Variants in SPRR2G observed in about 807,000 individuals in gnomAD.
The protein encoded by SPRR2G is small proline rich protein 2G.
A neutral mutation model predicts 0.7 loss-of-function variants in SPRR2G; 1 was observed. That is an observed-to-expected ratio of 1.49 (90% CI 0.53 to 7.06). The LOEUF (loss-of-function observed/expected upper bound fraction) is 7.06. SPRR2G is among the 30% of genes most tolerant of loss of function. The pLI, the probability that SPRR2G is intolerant of heterozygous loss-of-function variation, is 0.14. For synonymous variants in SPRR2G, 38 were observed against 33.9 expected, an observed-to-expected ratio of 1.12 and a Z score of -0.42; for missense variants, 96 against 88.5, an observed-to-expected ratio of 1.09 and a Z score of -0.34.
chr1:153,174,822 C>T, the SPRR2G span, among the ~76,000 whole-genome samples: 1 of 152,142 alleles, frequency 6.6e-6, no homozygotes, highest in African/African-American at 2.4e-5. Flanking sequence ...ACAACACCTG[C>T]ACTGTCAGCC....
At position 153,150,081 on chromosome 1, in the gene SPRR2G, C is replaced by A; in HGVS notation, c.30G>T (p.Gln10His). The change falls in exon 2 of 2, where the codon CAG (glutamine) becomes CAT (histidine). Residue 10 changes from glutamine to histidine, a missense_variant. Transcript: ENST00000368748. The stretch of plus-strand genomic sequence containing the variant: ...GGCACACAGGAGGTGGCTGGCAGGG[C>A]TGCTTGCACTGCTGCTGCTGGTAAG... The part of the protein sequence containing the change: MSYQQQQCK[Q>H]PCQPPPVCPT... 6.2e-7 allele frequency: 1 copy of A among 1,612,736 alleles called. No individual in the cohort carries two copies. The highest frequency in any genetic ancestry group is 1.3e-5 in the African/African-American group (1 of 74,982).
At chr1:153,180,305 A>G in the SPRR2G span, among the ~76,000 whole-genome samples, 2 of 152,182 alleles carry the variant, frequency 1.3e-5, no homozygotes. Context: ...TTTTCCTGGC[A>G]TCTAACACTG....
the SPRR2G span, among the ~76,000 whole-genome samples, chr1:153,196,856 A>G: frequency 6.2e-3 from 946 of 152,294 alleles, 11 homozygotes; most frequent in African/African-American, 0.022. Context: ...CATCTGCCCC[A>G]GTGGGCCCCC....
the SPRR2G span, among the ~76,000 whole-genome samples, chr1:153,164,385 C>A: frequency 6.6e-6 from 1 of 152,268 alleles, no homozygotes; most frequent in African/African-American, 2.4e-5. Flanking sequence ...TGGAGAAAGT[C>A]ATTTAGTCCA....
chr1:153,181,359 G>A, the SPRR2G span, among the ~76,000 whole-genome samples: 1 of 152,114 alleles, frequency 6.6e-6, no homozygotes, highest in Non-Finnish European at 1.5e-5. Flanking sequence ...TCAAGTCACA[G>A]TATTTAGAAT....
the SPRR2G span, among the ~76,000 whole-genome samples, chr1:153,184,860 C>A: frequency 5.3e-5 from 8 of 152,094 alleles, no homozygotes; most frequent in Non-Finnish European, 1.2e-4. Flanking sequence ...ATAACTCTTA[C>A]TATTTTGAGA....
chr1:153,179,533 C>G, the SPRR2G span, among the ~76,000 whole-genome samples: 1 of 151,996 alleles, frequency 6.6e-6, no homozygotes. Flanking sequence ...ACAATATCAT[C>G]GTGTGTGTGA....
At chr1:153,193,896 G>A in the SPRR2G span, among the ~76,000 whole-genome samples, 1 of 152,116 alleles carries the variant, frequency 6.6e-6, no homozygotes, top group Non-Finnish European at 1.5e-5. Flanking sequence ...GGTCTATGAG[G>A]GCTGCATGGA....
At chr1:153,172,294 A>G in the SPRR2G span, among the ~76,000 whole-genome samples, 1 of 152,082 alleles carries the variant, frequency 6.6e-6, no homozygotes, top group African/African-American at 2.4e-5. Context: ...CTTTTTATCT[A>G]TCAATTCCAC....
At chr1:153,185,997 G>A in the SPRR2G span, among the ~76,000 whole-genome samples, 1 of 152,286 alleles carries the variant, frequency 6.6e-6, no homozygotes, top group South Asian at 2.1e-4. Flanking sequence ...GGGGCAGGTT[G>A]TTCAGTTTCC....
At chr1:153,202,281 C>T in the SPRR2G span, among the ~76,000 whole-genome samples, 1 of 152,188 alleles carries the variant, frequency 6.6e-6, no homozygotes, top group East Asian at 1.9e-4. Flanking sequence ...ACTTCCCATG[C>T]CCGAGGACTT....
chr1:153,157,650 G>A, the SPRR2G span, among the ~76,000 whole-genome samples: 4 of 152,074 alleles, frequency 2.6e-5, no homozygotes, highest in East Asian at 7.7e-4. Context: ...GTTATTATGG[G>A]TTGGTTTGTT....
the SPRR2G span, among the ~76,000 whole-genome samples, chr1:153,185,282 A>G: frequency 6.6e-6 from 1 of 150,550 alleles, no homozygotes; most frequent in Non-Finnish European, 1.5e-5. Flanking sequence ...AAGGAATGGT[A>G]CCAGCTCCTC....
At chr1:153,186,323 C>T in the SPRR2G span, among the ~76,000 whole-genome samples, 3 of 152,148 alleles carry the variant, frequency 2.0e-5, no homozygotes, top group African/African-American at 7.2e-5. Flanking sequence ...GTGTTAAAGT[C>T]TCCCACTATT....
the SPRR2G span, among the ~76,000 whole-genome samples, chr1:153,173,043 T>G: frequency 1.3e-5 from 2 of 152,230 alleles, no homozygotes; most frequent in African/African-American, 4.8e-5. Context: ...ATGGAGATAC[T>G]GAGGAACTTC....
At chr1:153,181,164 A>T in the SPRR2G span, among the ~76,000 whole-genome samples, 1 of 152,164 alleles carries the variant, frequency 6.6e-6, no homozygotes. Flanking sequence ...CCTTATTGGT[A>T]TGCTTTTTAT....
At chr1:153,167,604 G>C in the SPRR2G span, among the ~76,000 whole-genome samples, 1 of 152,168 alleles carries the variant, frequency 6.6e-6, no homozygotes, top group African/African-American at 2.4e-5. Context: ...TCTGTTTAAT[G>C]ATTAGAGATT....
the SPRR2G span, among the ~76,000 whole-genome samples, chr1:153,200,451 T>C: frequency 1.3e-5 from 2 of 152,070 alleles, no homozygotes. Context: ...AACAAACATT[T>C]TTGGGGGGTA....
At position 153,149,934 on chromosome 1, in the gene SPRR2G, T is replaced by C. The variant is rs1656423699; in HGVS notation, c.177A>G (p.Gln59=). Residue 59 remains glutamine, a synonymous_variant, in exon 2 of 2, where the codon CAA becomes CAG. Coordinates refer to ENST00000368748, the MANE Select transcript of SPRR2G (RefSeq NM_001014291.4). The part of the protein sequence containing the change: ...PPCQDKCPPV[Q]PYPPCQQKYP... The stretch of plus-strand genomic sequence containing the variant: ...ACTTCTGCTGGCAGGGTGGGTATGG[T>C]TGCACAGGAGGGCATTTATCCTGGC... The C allele has an allele frequency of 6.2e-7, 1 of 1,613,940 alleles. No individual in the cohort carries two copies. The highest frequency in any genetic ancestry group is 1.7e-5 in the Admixed American group (1 of 59,984).
Sources: gnomAD v4.1 joint callset for allele counts (sites outside exome capture counted in the v4.1 genomes callset) on GRCh38, gnomAD v4.1.1 for gene constraint, MANE v1.5 for transcripts, NCBI Gene and HGNC (gene_info 2026-07-23, HGNC 2026-07-21) for gene names.